ZBBX: variants seen among roughly 807,000 people sequenced by gnomAD.
ZBBX encodes zinc finger B-box domain-containing protein 1.
Under a neutral mutation model 108.5 loss-of-function variants are expected in ZBBX, and 101 were observed. The ratio of observed to expected loss-of-function variants is 0.93; its 90% CI spans 0.79 to 1.10. The LOEUF (loss-of-function observed/expected upper bound fraction) is 1.10. ZBBX is among the 50% of genes least tolerant of loss of function. The probability of loss-of-function intolerance (pLI) is 0.00; values close to 1 mark genes in which losing one functional copy is unlikely to be tolerated. For missense variants in ZBBX, 1,009 were observed against 941.4 expected (o/e 1.07, Z -0.94); for synonymous variants, 356 against 323.4 (o/e 1.10, Z -1.08).
At chr3:167,274,695 C>A (rs890962803) in intron 20 of ZBBX, among the ~76,000 whole-genome samples, 2 of 152,164 alleles carry the variant, frequency 1.3e-5, no homozygotes, top group African/African-American at 4.8e-5. Flanking sequence ...GTTACCTGTA[C>A]CCATCGTTCC....
At chr3:167,378,827 C>G (rs1162443090) in intron 2 of ZBBX, among the ~76,000 whole-genome samples, 1 of 152,180 alleles carries the variant, frequency 6.6e-6, no homozygotes, top group Non-Finnish European at 1.5e-5. Context: ...CGAAGGCTGC[C>G]TGTATCATGA....
rs757599209 is a variant in ZBBX, at chr3:167,373,745, C to T, written c.-89G>A. ...AAGTGAATCATGATCAGGGGCTTCA[C>T]ATTGAGCAGGCTGAGGAAGACGAAG... On this transcript the variant is annotated 5_prime_UTR_variant, in exon 3 of 22. In the 5' UTR this introduces an upstream ATG that the reference lacks. Transcript: ENST00000675490. The T allele has an allele frequency of 6.6e-6, 1 of 152,138 alleles. No individual in the cohort carries two copies. Among genetic ancestry groups the T allele is most frequent in the African/African-American group, 2.4e-5 (1 of 41,416 alleles). 9.4% of individuals were successfully genotyped at this position (152,138 alleles called of 1,614,324 possible). A position where few individuals can be genotyped will look rare whatever the true frequency, so the allele number is the denominator to read the frequency against.
intron 9 of ZBBX, among the ~76,000 whole-genome samples, chr3:167,344,595 G>T (rs1339872279): frequency 6.6e-6 from 1 of 151,644 alleles, no homozygotes; most frequent in Non-Finnish European, 1.5e-5. Flanking sequence ...ATGAGGACAG[G>T]AATAACAGTT....
At chr3:167,179,143 G>A in the ZBBX span, among the ~76,000 whole-genome samples, 1 of 151,946 alleles carries the variant, frequency 6.6e-6, no homozygotes, top group Non-Finnish European at 1.5e-5. Flanking sequence ...CCCAGACAAA[G>A]TGAGAAAAGG....
chr3:167,397,142 T>TAAAAAAAAAAGAAAAAAAAAAAAAA (rs1748262131), intron 1 of ZBBX, among the ~76,000 whole-genome samples: 1 of 72,428 alleles, frequency 1.4e-5, no homozygotes, highest in Non-Finnish European at 2.7e-5. Flanking sequence ...TTCTTGGTGG[T>TAAAAAAAAAAGAAAAAAAAAAAAAA]AAAAAAAAAA....
the ZBBX span, among the ~76,000 whole-genome samples, chr3:167,232,979 C>G: frequency 2.0e-5 from 3 of 151,628 alleles, no homozygotes; most frequent in Non-Finnish European, 1.5e-5. Flanking sequence ...AAAATAAAAG[C>G]CTTTAATAAT....
upstream of ZBBX, among the ~76,000 whole-genome samples, chr3:167,383,994 A>T (rs1747826560): frequency 6.6e-6 from 1 of 152,104 alleles, no homozygotes. Context: ...TAAGAATGAA[A>T]AGTTGTGCTA....
intron 9 of ZBBX, among the ~76,000 whole-genome samples, chr3:167,339,678 T>C (rs1193162760): frequency 1.3e-5 from 2 of 152,158 alleles, no homozygotes; most frequent in African/African-American, 2.4e-5. Context: ...TTATTTTAAG[T>C]TCCAGGATAC....
chr3:167,282,756 A>G (rs1560069179), intron 19 of ZBBX, among the ~76,000 whole-genome samples: 1 of 152,200 alleles, frequency 6.6e-6, no homozygotes, highest in South Asian at 2.1e-4. Context: ...TAATTTTAAT[A>G]TTCACAAAGG....
At chr3:167,360,066 C>T (rs941576225) in intron 7 of ZBBX, 87 bp from the exon 8 acceptor site, 11 of 556,208 alleles carry the variant, frequency 2.0e-5, no homozygotes, top group Admixed American at 7.2e-5. Flanking sequence ...ATGCATACTT[C>T]CCATCTCTGT....
chr3:167,218,298 T>C, the ZBBX span, among the ~76,000 whole-genome samples: 1 of 152,120 alleles, frequency 6.6e-6, no homozygotes, highest in African/African-American at 2.4e-5. Context: ...AACTCACTGG[T>C]AAGAGTAAGT....
At chr3:167,350,680 A>G (rs898780660) in intron 8 of ZBBX, among the ~76,000 whole-genome samples, 165 bp from the exon 9 acceptor site, 2 of 151,488 alleles carry the variant, frequency 1.3e-5, no homozygotes, top group Non-Finnish European at 2.9e-5. Flanking sequence ...TAGTCCCTTA[A>G]CTGGGACTAG....
At chr3:167,191,934 T>TATAGAGAGAGAGAGAG in the ZBBX span, among the ~76,000 whole-genome samples, 30 of 130,222 alleles carry the variant, frequency 2.3e-4, 1 homozygote, top group African/African-American at 8.2e-4. Context: ...TATATATATA[T>TATAGAGAGAGAGAGAG]AGAGCAAGTT....
At chr3:167,395,241 A>G (rs971192129) in intron 1 of ZBBX, among the ~76,000 whole-genome samples, 1 of 152,084 alleles carries the variant, frequency 6.6e-6, no homozygotes. Flanking sequence ...TTTAAGAATG[A>G]GTAAAGTTAT....
the ZBBX span, among the ~76,000 whole-genome samples, chr3:167,213,299 A>G: frequency 6.6e-6 from 1 of 152,228 alleles, no homozygotes; most frequent in African/African-American, 2.4e-5. Context: ...GAATCACAAT[A>G]AAGTGATACC....
intron 20 of ZBBX, among the ~76,000 whole-genome samples, chr3:167,277,403 G>A (rs1357901339): frequency 6.6e-6 from 1 of 151,192 alleles, no homozygotes; most frequent in Admixed American, 6.6e-5. Flanking sequence ...GATAGAGGAA[G>A]ATCTACCAAG....
At chr3:167,366,027 C>T in intron 5 of ZBBX, 51 bp from the exon 6 acceptor site, 1 of 1,380,866 alleles carries the variant, frequency 7.2e-7, no homozygotes, top group Non-Finnish European at 1.0e-6. Flanking sequence ...ACATTTCTCC[C>T]TTTAATGAAA....
intron 18 of ZBBX, among the ~76,000 whole-genome samples, chr3:167,296,846 G>A (rs975215188): frequency 6.6e-6 from 1 of 151,872 alleles, no homozygotes; most frequent in African/African-American, 2.4e-5. Flanking sequence ...AAAGCTCAAT[G>A]ACATTTTTCG....
rs571566999 is a variant in ZBBX at position 167,247,572 on chromosome 3, G to A, written c.2255-4929C>T. 8.4e-4 allele frequency among the ~76,000 whole-genome samples: 128 copies of A among 152,220 alleles called. 1 individual carries two copies. Among genetic ancestry groups the A allele is most frequent in the Non-Finnish European group, 1.4e-3 (94 of 68,016 alleles). On this transcript the variant is annotated intron_variant, in intron 20 of 21. Coordinates refer to ENST00000675490, the MANE Select transcript of ZBBX (RefSeq NM_001199201.2). ...GGTCTAATTGAGCTGGTTAACACAAGCCACCTACAGAGGGCAAACTAAAAG... is the reference window on the plus strand; with the variant it reads ...GGTCTAATTGAGCTGGTTAACACAAACCACCTACAGAGGGCAAACTAAAAG...
Sources: allele counts gnomAD v4.1 joint callset (sites outside exome capture counted in the v4.1 genomes callset), GRCh38; gene constraint gnomAD v4.1.1; transcripts MANE v1.5; gene names NCBI Gene and HGNC (gene_info 2026-07-23, HGNC 2026-07-21).